The following CDK15 variants were observed in gnomAD, a reference collection of about 807,000 sequenced individuals.
CDK15 encodes the protein cyclin dependent kinase 15, also known as cyclin-dependent kinase 15.
CDK15 carries 62 observed loss-of-function variants against 60.3 expected under a neutral mutation model. The ratio of observed to expected loss-of-function variants is 1.03; its 90% CI spans 0.84 to 1.27. CDK15 has a LOEUF of 1.27. Ranked by LOEUF, CDK15 falls within the 50% of genes most tolerant of loss-of-function variation. The pLI, the probability that CDK15 is intolerant of heterozygous loss-of-function variation, is 0.00. For missense variants in CDK15, 541 were observed against 527.8 expected (o/e 1.03, Z -0.25); for synonymous variants, 194 against 195.7 (o/e 0.99, Z 0.07).
At chr2:201,819,932 C>T (rs1165922386) in intron 4 of CDK15, among the ~76,000 whole-genome samples, 2 of 152,076 alleles carry the variant, frequency 1.3e-5, no homozygotes. Flanking sequence ...GAAGTTTATA[C>T]CCAGTATTGT....
chr2:201,832,300 T>C (rs193600), intron 6 of CDK15, among the ~76,000 whole-genome samples: 151,282 of 152,334 alleles, frequency 0.99, 75,122 homozygotes, highest in Middle Eastern at 1. Context: ...CTCGCTTTGG[T>C]CTTCCAAAGT....
At chr2:201,880,494 A>G (rs541160854) in intron 12 of CDK15, among the ~76,000 whole-genome samples, 3 of 152,312 alleles carry the variant, frequency 2.0e-5, no homozygotes, top group African/African-American at 7.2e-5. Flanking sequence ...TGCCTTAGCT[A>G]CCATCTGCCA....
At chr2:201,843,407 G>A (rs1440418620) in intron 8 of CDK15, among the ~76,000 whole-genome samples, 2 of 151,986 alleles carry the variant, frequency 1.3e-5, no homozygotes, top group Non-Finnish European at 1.5e-5. Context: ...GGCTGGTCTC[G>A]AACTGACCTC....
Position 201,890,875 on chromosome 2 carries a change from A to T in CDK15, c.1289A>T (p.Gln430Leu), listed in dbSNP as rs746460384. Residue 430 changes from glutamine (Q) to leucine (L), a missense_variant, in exon 13 of 14, where the codon CAG (glutamine) becomes CTG (leucine). Physicochemically the swap from Gln to Leu is moderately radical, Grantham distance 113. Transcript: ENST00000652192. ...ASYQKGHHPAQFSKCW is the reference protein window; with the variant it reads ...ASYQKGHHPALFSKCW ...TACCAGAAAGGTCACCACCCAGCCCAGTTTAGCAAATGCTGGTGAAAAGAA... is the reference window on the plus strand; with the variant it reads ...TACCAGAAAGGTCACCACCCAGCCCTGTTTAGCAAATGCTGGTGAAAAGAA... The T allele has an allele frequency of 1.9e-6, 3 of 1,613,060 alleles. No individual in the cohort carries two copies. Among genetic ancestry groups the T allele is most frequent in the Non-Finnish European group, 2.5e-6 (3 of 1,179,372 alleles).
chr2:201,812,128 C>T (rs1011409660), intron 3 of CDK15, among the ~76,000 whole-genome samples: 9 of 144,686 alleles, frequency 6.2e-5, no homozygotes, highest in African/African-American at 1.5e-4. Flanking sequence ...GAGCCAAGAT[C>T]GTGCCACTGT....
At chr2:201,838,655 C>T (rs182582725) in intron 8 of CDK15, among the ~76,000 whole-genome samples, 2 of 152,224 alleles carry the variant, frequency 1.3e-5, no homozygotes, top group East Asian at 1.9e-4. Context: ...GATCCTCCTG[C>T]CTTGGCCTTC....
At chr2:201,840,987 A>G (rs925323803) in intron 8 of CDK15, among the ~76,000 whole-genome samples, 1 of 152,158 alleles carries the variant, frequency 6.6e-6, no homozygotes, top group South Asian at 2.1e-4. Context: ...TAGAGCTCCA[A>G]TGAAAGACTA....
At chr2:201,836,510 T>A (rs1213392218) in intron 8 of CDK15, among the ~76,000 whole-genome samples, 1 of 151,874 alleles carries the variant, frequency 6.6e-6, no homozygotes, top group Non-Finnish European at 1.5e-5. Context: ...AGGCTGGTCT[T>A]GAGCTCCCAG....
At chr2:201,848,967 T>C (rs59184287) in intron 9 of CDK15, among the ~76,000 whole-genome samples, 6,986 of 152,240 alleles carry the variant, frequency 0.046, 530 homozygotes, top group African/African-American at 0.16. Flanking sequence ...CTAAAAACTT[T>C]CTTGCAAGAC....
chr2:201,854,931 AAT>A lies in CDK15; in HGVS notation c.1004_1005del (p.Asn335ThrfsTer24). 1 of 1,613,852 alleles carries A rather than the reference AAT, an allele frequency of 6.2e-7. No individual in the cohort carries two copies. Among genetic ancestry groups the A allele is most frequent in the Non-Finnish European group, 8.5e-7 (1 of 1,179,730 alleles). ...WPGVSKLPNY[N>X]PEWFPLPTPR... ...GGGAGTCTCCAAGCTACCTAACTAC[AAT>A]CCAGGTAATATTGATCTGAGCTTCT... On this transcript the variant is annotated frameshift_variant, in exon 10 of 14. Coordinates refer to ENST00000652192, the MANE Select transcript of CDK15 (RefSeq NM_001366386.2). LOFTEE classifies it high-confidence loss of function.
intron 9 of CDK15, among the ~76,000 whole-genome samples, chr2:201,849,970 G>A (rs1384580692): frequency 4.6e-5 from 7 of 152,064 alleles, no homozygotes; most frequent in Admixed American, 4.6e-4. Flanking sequence ...AATTACAGGT[G>A]CCCGCCACCA....
chr2:201,807,686 G>C, intron 2 of CDK15, 43 bp downstream of exon 2: 1 of 1,611,262 alleles, frequency 6.2e-7, no homozygotes, highest in Non-Finnish European at 8.5e-7. Context: ...TTTAATGTGA[G>C]CTTGTCTACG....
intron 11 of CDK15, among the ~76,000 whole-genome samples, chr2:201,876,208 C>T (rs1036265264): frequency 7.9e-5 from 12 of 152,154 alleles, no homozygotes; most frequent in Non-Finnish European, 4.4e-5. Context: ...GTGGTGGCCA[C>T]ATGTACAACT....
chr2:201,815,787 G>A (rs1394747423), intron 4 of CDK15, among the ~76,000 whole-genome samples: 1 of 151,968 alleles, frequency 6.6e-6, no homozygotes, highest in African/African-American at 2.4e-5. Flanking sequence ...TCTTTTTTGA[G>A]GACAAGGCAT....
intron 4 of CDK15, among the ~76,000 whole-genome samples, chr2:201,819,474 A>C (rs554098629): frequency 6.6e-6 from 1 of 152,290 alleles, no homozygotes; most frequent in African/African-American, 2.4e-5. Context: ...AAGTCCTTTG[A>C]ATTTACTCTG....
chr2:201,842,046 A>C (rs1356032486), intron 8 of CDK15, among the ~76,000 whole-genome samples: 1 of 152,208 alleles, frequency 6.6e-6, no homozygotes, highest in Non-Finnish European at 1.5e-5. Context: ...AGTGGCATTC[A>C]GTACATTCAC....
At chr2:201,841,474 C>T (rs748983567) in intron 8 of CDK15, among the ~76,000 whole-genome samples, 2 of 152,232 alleles carry the variant, frequency 1.3e-5, no homozygotes, top group Non-Finnish European at 2.9e-5. Flanking sequence ...TGGGTATTTA[C>T]ACTGAGATCC....
chr2:201,807,974 G>C, intron 3 of CDK15, 22 bp downstream of exon 3: 1 of 1,589,568 alleles, frequency 6.3e-7, no homozygotes, highest in Non-Finnish European at 8.6e-7. Context: ...ATAGCTGGGA[G>C]AGACTTTAGA....
At chr2:201,852,985 A>G (rs1189591403) in intron 9 of CDK15, among the ~76,000 whole-genome samples, 6 of 152,144 alleles carry the variant, frequency 3.9e-5, no homozygotes, top group Non-Finnish European at 7.4e-5. Context: ...GTTGTCACCT[A>G]TTTCTTCTAT....
Sources: gnomAD v4.1 joint callset for allele counts (sites outside exome capture counted in the v4.1 genomes callset) on GRCh38, gnomAD v4.1.1 for gene constraint, MANE v1.5 for transcripts, NCBI Gene and HGNC (gene_info 2026-07-23, HGNC 2026-07-21) for gene names.